Variants in ITGB3BP observed in about 807,000 individuals in gnomAD.
ITGB3BP encodes the protein integrin subunit beta 3 binding protein, also known as centromere protein R.
A neutral mutation model predicts 29.1 loss-of-function variants in ITGB3BP; 27 were observed. That is an observed-to-expected ratio of 0.93 (90% confidence interval 0.68 to 1.28). The LOEUF (loss-of-function observed/expected upper bound fraction) is 1.28. Among genes scored for constraint, ITGB3BP ranks in the 50% most tolerant of loss-of-function variants. ITGB3BP has a pLI of 0.00. For synonymous variants in ITGB3BP, 61 were observed against 61.4 expected, an observed-to-expected ratio of 0.99 and a Z score of 0.03; for missense variants, 192 against 200.2, an observed-to-expected ratio of 0.96 and a Z score of 0.25.
At chr1:63,491,724 T>C (rs977603383) in intron 2 of ITGB3BP, among the ~76,000 whole-genome samples, 3 of 152,232 alleles carry the variant, frequency 2.0e-5, no homozygotes, top group Non-Finnish European at 4.4e-5. Context: ...TATTTAATTA[T>C]ATTGAGAAAT....
upstream of ITGB3BP, chr1:63,523,446 C>T (rs1179704581): frequency 6.6e-6 from 3 of 451,240 alleles, no homozygotes; most frequent in South Asian, 4.8e-5. Context: ...CTGTGCGCTC[C>T]GGATCAGCGC....
chr1:63,514,757 T>C (rs111962301), intron 1 of ITGB3BP, among the ~76,000 whole-genome samples: 1 of 152,022 alleles, frequency 6.6e-6, no homozygotes, highest in Admixed American at 6.6e-5. Context: ...ACCATCCTGG[T>C]CAACATGGTA....
In ITGB3BP at chr1:63,490,138, T is replaced by G; in HGVS notation, c.129A>C (p.Leu43=). 6.2e-7 allele frequency: 1 copy of G among 1,609,586 alleles called. No individual in the cohort carries two copies. Among genetic ancestry groups the G allele is most frequent in the Non-Finnish European group, 8.5e-7 (1 of 1,176,456 alleles). The change falls in exon 3 of 9, where the codon CTA becomes CTC. Residue 43 remains leucine, a synonymous_variant. Transcript: ENST00000271002. ...SPTTGTCQMS[L]FASPTSSEEQ... ...CTTCAGAACTTGTGGGAGAAGCAAA[T>G]AGACTCATTTGACAAGTTCCAGTTG...
Position 63,508,516 on chromosome 1 carries a change from G to T in ITGB3BP, c.48+12C>A. 3 of 1,348,360 alleles carry T rather than the reference G, an allele frequency of 2.2e-6. No homozygotes were observed. Among genetic ancestry groups the T allele is most frequent in the Non-Finnish European group, 2.0e-6 (2 of 980,834 alleles). The allele number at this position is 1,348,360 out of a possible 1,614,324, so 83.5% of individuals were successfully genotyped here. A position where few individuals can be genotyped will look rare whatever the true frequency, so the allele number is the denominator to read the frequency against. On this transcript the variant is annotated intron_variant, in intron 2 of 8. Coordinates refer to ENST00000271002, the MANE Select transcript of ITGB3BP (RefSeq NM_014288.5). ...ATCTTATTCAATGACAAACTTTTAAGCAAATACTTACATTTTCTTCTAACA... is the reference window on the plus strand; with the variant it reads ...ATCTTATTCAATGACAAACTTTTAATCAAATACTTACATTTTCTTCTAACA...
At chr1:63,451,321 T>C (rs1644856764) in intron 7 of ITGB3BP, among the ~76,000 whole-genome samples, 1 of 151,936 alleles carries the variant, frequency 6.6e-6, no homozygotes, top group Non-Finnish European at 1.5e-5. Flanking sequence ...ATCCTATACA[T>C]ATTATAGGGA....
intron 3 of ITGB3BP, 52 bp downstream of exon 3, chr1:63,490,031 G>C (rs1316257111): frequency 6.7e-7 from 1 of 1,495,696 alleles, no homozygotes; most frequent in African/African-American, 1.4e-5. Flanking sequence ...ATTTTGATTT[G>C]GCCAATAACT....
intron 2 of ITGB3BP, among the ~76,000 whole-genome samples, chr1:63,503,016 T>C (rs891269558): frequency 6.6e-6 from 1 of 152,160 alleles, no homozygotes; most frequent in African/African-American, 2.4e-5. Context: ...TATAATCCTT[T>C]GGGGTATATA....
intron 7 of ITGB3BP, among the ~76,000 whole-genome samples, chr1:63,450,966 G>T (rs1644852440): frequency 6.6e-6 from 1 of 151,778 alleles, no homozygotes; most frequent in African/African-American, 2.4e-5. Flanking sequence ...TTAAGAATGT[G>T]TGTCAGATGT....
At chr1:63,446,165 C>T (rs1185378717) in intron 8 of ITGB3BP, among the ~76,000 whole-genome samples, 3 of 152,198 alleles carry the variant, frequency 2.0e-5, no homozygotes, top group African/African-American at 7.2e-5. Flanking sequence ...TCCCAAAGTG[C>T]TGGGATTACA....
intron 1 of ITGB3BP, among the ~76,000 whole-genome samples, chr1:63,515,203 A>G (rs919089159): frequency 6.6e-6 from 1 of 152,184 alleles, no homozygotes; most frequent in African/African-American, 2.4e-5. Context: ...TATAAGGTGA[A>G]GGTCAAGGTG....
intron 2 of ITGB3BP, among the ~76,000 whole-genome samples, chr1:63,508,138 C>T (rs541003122): frequency 3.2e-4 from 48 of 152,212 alleles, no homozygotes; most frequent in Middle Eastern, 6.8e-3. Context: ...TATAAAAATG[C>T]TACTAATGTT....
chr1:63,502,638 A>T (rs1215937769), intron 2 of ITGB3BP, among the ~76,000 whole-genome samples: 8 of 148,536 alleles, frequency 5.4e-5, no homozygotes, highest in African/African-American at 2.0e-4. Context: ...AACATTAGGT[A>T]TATCTCCTAA....
chr1:63,519,959 T>C (rs1054762177), intron 1 of ITGB3BP, among the ~76,000 whole-genome samples: 4 of 152,130 alleles, frequency 2.6e-5, no homozygotes, highest in Admixed American at 1.3e-4. Flanking sequence ...ATTCCAACTT[T>C]ATAGCTTTAG....
rs201986932 is a variant in ITGB3BP, at chr1:63,523,151, C to T, written c.-18G>A. 5.1e-5 allele frequency: 82 copies of T among 1,614,106 alleles called. No homozygotes were observed. In the East Asian group the frequency reaches 1.5e-3, roughly 30 times the overall value. The stretch of plus-strand genomic sequence containing the variant: ...TACGGCATTCTGAGATTCGGGAAAG[C>T]ACCACTGCCGCTGAATAAAACGAAC... On this transcript the variant is annotated 5_prime_UTR_variant, in exon 1 of 9. Transcript: ENST00000271002.
At chr1:63,473,288 C>G (rs1460705883) in intron 4 of ITGB3BP, among the ~76,000 whole-genome samples, 1 of 151,510 alleles carries the variant, frequency 6.6e-6, no homozygotes, top group East Asian at 2.0e-4. Flanking sequence ...GCAGCCACCC[C>G]GTCTGGGAAG....
chr1:63,507,963 T>C (rs1646118059), intron 2 of ITGB3BP, among the ~76,000 whole-genome samples: 1 of 152,210 alleles, frequency 6.6e-6, no homozygotes, highest in Non-Finnish European at 1.5e-5. Flanking sequence ...ACATATGTCA[T>C]GATATGCTGG....
intron 2 of ITGB3BP, among the ~76,000 whole-genome samples, chr1:63,504,446 G>T (rs1646022072): frequency 6.6e-6 from 1 of 151,932 alleles, no homozygotes. Flanking sequence ...ATACAATCAT[G>T]TCATCTGCAA....
intron 8 of ITGB3BP, chr1:63,446,600 C>T: frequency 1.9e-6 from 1 of 528,766 alleles, no homozygotes; most frequent in Non-Finnish European, 3.4e-6. Flanking sequence ...CAGTTCTTTC[C>T]AATCAGCCTC....
chr1:63,463,698 G>A (rs371607419), intron 4 of ITGB3BP, among the ~76,000 whole-genome samples: 2 of 152,134 alleles, frequency 1.3e-5, no homozygotes, highest in East Asian at 1.9e-4. Flanking sequence ...AAAACATAAA[G>A]GATATGGAAG....
Sources: allele counts gnomAD v4.1 joint callset (sites outside exome capture counted in the v4.1 genomes callset), GRCh38; gene constraint gnomAD v4.1.1; transcripts MANE v1.5; gene names NCBI Gene and HGNC (gene_info 2026-07-23, HGNC 2026-07-21).